The following RIF1 variants were observed in gnomAD, a reference collection of about 807,000 sequenced individuals.
RIF1 encodes the protein replication timing regulatory factor 1.
A neutral mutation model predicts 247.1 loss-of-function variants in RIF1; 45 were observed. That is an observed-to-expected ratio of 0.18 (90% CI 0.14 to 0.23). RIF1 has a LOEUF of 0.23. RIF1 is among the 10% of genes least tolerant of loss of function. The probability of loss-of-function intolerance (pLI) is 1.00; values close to 1 mark genes in which losing one functional copy is unlikely to be tolerated. For synonymous variants in RIF1, 1,087 were observed against 978.8 expected (o/e 1.11, Z -2.06); for missense variants, 2,967 against 2,862.5 (o/e 1.04, Z -0.83).
At chr2:151,473,908 T>C in intron 34 of RIF1, 56 bp from the exon 35 acceptor site, 1 of 888,312 alleles carries the variant, frequency 1.1e-6, no homozygotes, top group Non-Finnish European at 1.9e-6. Flanking sequence ...AAAAGTAAAG[T>C]TTCAATTTGT....
chr2:151,482,225 C>T (rs1253795745), downstream of RIF1: 1 of 152,094 alleles, frequency 6.6e-6, no homozygotes, highest in Non-Finnish European at 1.5e-5. Flanking sequence ...TTGTTGTTTT[C>T]GTGAGATCTG....
At chr2:151,438,389 G>A (rs1261127486) in intron 13 of RIF1, among the ~76,000 whole-genome samples, 2 of 152,130 alleles carry the variant, frequency 1.3e-5, no homozygotes, top group African/African-American at 2.4e-5. Flanking sequence ...GATGTGGGAA[G>A]ACTGCTTGAG....
At position 151,462,340 on chromosome 2, in the gene RIF1, C is replaced by G. The variant is rs1559010461; in HGVS notation, c.3308+18C>G. ...GAGCCTATGTAAGTACAGAAGCCAT[C>G]AAACTTTTATATCTGTTTTATTCAT... is the stretch of plus-strand genomic sequence containing the variant. On this transcript the variant is annotated intron_variant, in intron 28 of 35. Coordinates refer to ENST00000444746, the MANE Select transcript of RIF1 (RefSeq NM_018151.5). The G allele has an allele frequency of 6.6e-7, 1 of 1,519,862 alleles. No homozygotes were observed. The highest frequency in any genetic ancestry group is 1.9e-5 in the Admixed American group (1 of 53,490). 94.1% of individuals were successfully genotyped at this position (1,519,862 alleles called of 1,614,324 possible).
intron 9 of RIF1, among the ~76,000 whole-genome samples, chr2:151,488,911 T>C (rs1000487480): frequency 9.2e-5 from 14 of 152,222 alleles, no homozygotes; most frequent in African/African-American, 2.9e-4. Context: ...TTTGTATCTA[T>C]TGCCATGCTA....
intron 6 of RIF1, among the ~76,000 whole-genome samples, 200 bp downstream of exon 6, chr2:151,417,101 T>C (rs1230693118): frequency 6.6e-6 from 1 of 152,224 alleles, no homozygotes; most frequent in Non-Finnish European, 1.5e-5. Context: ...TTATTTTTAC[T>C]GGGACCATGT....
the RIF1 span, among the ~76,000 whole-genome samples, chr2:151,514,593 A>G: frequency 6.6e-6 from 1 of 152,270 alleles, no homozygotes; most frequent in South Asian, 2.1e-4. Context: ...AACATTAAAT[A>G]TCAAATGAAA....
At chr2:151,504,511 A>G (rs1345253338) in intron 12 of RIF1, among the ~76,000 whole-genome samples, 1 of 152,234 alleles carries the variant, frequency 6.6e-6, no homozygotes, top group Non-Finnish European at 1.5e-5. Context: ...TCTGTACCAC[A>G]GAGTATAAGC....
Position 151,411,227 on chromosome 2 carries a change from CTACT to C in RIF1, c.105-30_105-27del, listed in dbSNP as rs769492424. 2.4e-6 allele frequency: 3 copies of C among 1,274,562 alleles called. No individual in the cohort carries two copies. The Admixed American group carries it at 6.5e-5, about 28-fold the overall frequency. The allele number at this position is 1,274,562 out of a possible 1,614,324, so 79.0% of individuals were successfully genotyped here. A position where few individuals can be genotyped will look rare whatever the true frequency, so the allele number is the denominator to read the frequency against. Reference sequence around the variant, plus strand: ...AGAGTATTTTTTTTTTTCCTGTCAACTACTTAAACTTGTGTTCTTCCTGCTTTTT... The same window carrying C: ...AGAGTATTTTTTTTTTTCCTGTCAACTAAACTTGTGTTCTTCCTGCTTTTT... On this transcript the variant is annotated intron_variant, in intron 2 of 35. Coordinates refer to ENST00000444746, the MANE Select transcript of RIF1 (RefSeq NM_018151.5).
chr2:151,469,589 T>G, intron 33 of RIF1, 122 bp from the exon 34 acceptor site: 1 of 689,834 alleles, frequency 1.4e-6, no homozygotes, highest in Non-Finnish European at 2.2e-6. Context: ...GTGCCTGTCT[T>G]CACTGTGGGC....
chr2:151,514,340 T>G, the RIF1 span: 1 of 1,613,236 alleles, frequency 6.2e-7, no homozygotes, highest in East Asian at 2.2e-5. Flanking sequence ...TTGAGTGGCA[T>G]TCTTTGCTCT....
chr2:151,527,041 A>T, the RIF1 span: 1 of 1,523,954 alleles, frequency 6.6e-7, no homozygotes, highest in Admixed American at 1.9e-5. Flanking sequence ...GAAGAAAGGC[A>T]GAAGAAAAGG....
downstream of RIF1, among the ~76,000 whole-genome samples, chr2:151,508,451 G>A (rs530910991): frequency 6.6e-6 from 1 of 152,342 alleles, no homozygotes; most frequent in South Asian, 2.1e-4. Context: ...AGTGGCAGTA[G>A]TCCTCGCTGG....
chr2:151,410,312 C>A (rs1685916592), intron 1 of RIF1, 102 bp from the exon 2 acceptor site: 2 of 874,160 alleles, frequency 2.3e-6, no homozygotes, highest in Non-Finnish European at 3.6e-6. Flanking sequence ...GGCTGTGAGG[C>A]CCGGGCGGGC....
At chr2:151,457,680 T>A in intron 23 of RIF1, 81 bp from the exon 24 acceptor site, 1 of 1,054,820 alleles carries the variant, frequency 9.5e-7, no homozygotes, top group South Asian at 1.5e-5. Context: ...TTGTCTTAAT[T>A]TTAAAAATTG....
intron 34 of RIF1, among the ~76,000 whole-genome samples, chr2:151,472,544 C>T (rs897414560): frequency 6.6e-6 from 1 of 152,152 alleles, no homozygotes; most frequent in African/African-American, 2.4e-5. Context: ...AGATACGTCC[C>T]ATCAATACCT....
rs184319249 is a variant in RIF1, at chr2:151,492,117, T to C, written c.*416-3112T>C. On this transcript the variant is annotated intron_variant and NMD_transcript_variant, in intron 9 of 13. Coordinates refer to the RIF1 transcript ENST00000454583. ...AGTTACCTGTAATAGTCTCCTGATC[T>C]TGGTCATTCCGTTTTTGTTCCATTT... The C allele has an allele frequency of 7.2e-4, 1,156 of 1,613,982 alleles. 4 individuals carry two copies. The highest frequency in any genetic ancestry group is 4.6e-3 in the Middle Eastern group (28 of 6,058).
intron 15 of RIF1, among the ~76,000 whole-genome samples, chr2:151,440,538 A>T (rs1249127857): frequency 1.3e-5 from 2 of 151,454 alleles, no homozygotes; most frequent in African/African-American, 4.8e-5. Context: ...TTTTTTTTTA[A>T]ACCCGTGTAG....
chr2:151,527,074 A>G, the RIF1 span: 48 of 1,248,230 alleles, frequency 3.8e-5, no homozygotes, highest in Non-Finnish European at 4.6e-6. Flanking sequence ...CACAGGAGGA[A>G]GCTGGGCATT....
intron 30 of RIF1, among the ~76,000 whole-genome samples, chr2:151,466,694 G>T (rs1004265162): frequency 3.3e-5 from 5 of 152,170 alleles, no homozygotes; most frequent in Non-Finnish European, 5.9e-5. Flanking sequence ...CAGGCCTTGT[G>T]CCTTGCACAT....
Sources: gnomAD v4.1 joint callset for allele counts (sites outside exome capture counted in the v4.1 genomes callset) on GRCh38, gnomAD v4.1.1 for gene constraint, MANE v1.5 for transcripts, NCBI Gene and HGNC (gene_info 2026-07-23, HGNC 2026-07-21) for gene names.